The following TENM4 variants were observed in gnomAD, a reference collection of about 807,000 sequenced individuals.
TENM4 encodes teneurin transmembrane protein 4.
Under a neutral mutation model 243.3 loss-of-function variants are expected in TENM4, and 82 were observed. The ratio of observed to expected loss-of-function variants is 0.34; its 90% CI spans 0.28 to 0.40. TENM4 has a LOEUF of 0.40. Among genes scored for constraint, TENM4 ranks in the 10% least tolerant of loss-of-function variants. The pLI is 1.00. For missense variants in TENM4, 3,138 were observed against 3,673.3 expected, an observed-to-expected ratio of 0.85 and a Z score of 3.77; for synonymous variants, 1,412 against 1,456.3, an observed-to-expected ratio of 0.97 and a Z score of 0.69.
At chr11:78,705,915 G>T (rs1442581626) in intron 27 of TENM4, among the ~76,000 whole-genome samples, 1 of 152,176 alleles carries the variant, frequency 6.6e-6, no homozygotes, top group Non-Finnish European at 1.5e-5. Context: ...GTACAAGGAA[G>T]TTTTTTGTGG....
chr11:78,911,855 C>CAGAT (rs1856192671), intron 6 of TENM4, among the ~76,000 whole-genome samples: 1 of 152,242 alleles, frequency 6.6e-6, no homozygotes, highest in Admixed American at 6.5e-5. Flanking sequence ...TGCTAGAGCA[C>CAGAT]AGATAATGAA....
intron 1 of TENM4, among the ~76,000 whole-genome samples, chr11:79,369,916 C>T (rs1857749065): frequency 6.6e-6 from 1 of 152,178 alleles, no homozygotes; most frequent in African/African-American, 2.4e-5. Flanking sequence ...CCAGGACTGT[C>T]TGTCTCCAAA....
chr11:79,388,046 T>C (rs11604414), intron 1 of TENM4, among the ~76,000 whole-genome samples: 1 of 152,204 alleles, frequency 6.6e-6, no homozygotes, highest in African/African-American at 2.4e-5. Context: ...GAAGATGTTT[T>C]GAGTGTGAAA....
At chr11:79,044,969 C>T (rs891483359) in intron 6 of TENM4, among the ~76,000 whole-genome samples, 1 of 152,054 alleles carries the variant, frequency 6.6e-6, no homozygotes, top group Non-Finnish European at 1.5e-5. Flanking sequence ...TCATTTTAAC[C>T]ATTTAAAAGC....
Position 78,672,257 on chromosome 11 carries a change from G to A in TENM4, c.5569C>T (p.Arg1857Cys). The A allele has an allele frequency of 3.1e-6, 5 of 1,614,028 alleles. No individual in the cohort carries two copies. Among genetic ancestry groups the A allele is most frequent in the Non-Finnish European group, 4.2e-6 (5 of 1,179,890 alleles). ...TRTEKIYDDHRKFTLRILYDQ... is the reference protein window; with the variant it reads ...TRTEKIYDDHCKFTLRILYDQ... ...TACAGAATCCGAAGGGTGAACTTGC[G>A]GTGGTCATCATAGATCTTCTCTGTG... The change falls in exon 31 of 34, where the codon CGC (arginine) becomes TGC (cysteine). Residue 1857 changes from arginine (R) to cysteine (C), a missense_variant. Physicochemically the swap from Arg to Cys is radical, Grantham distance 180. Around this residue, in one of 2 missense-constraint regions of TENM4, gnomAD observed 2,467 missense variants for 3,059.1 expected, o/e 0.81. Coordinates refer to ENST00000278550, the MANE Select transcript of TENM4 (RefSeq NM_001098816.3).
chr11:79,161,617 A>G (rs75846543), intron 3 of TENM4, among the ~76,000 whole-genome samples: 1 of 152,188 alleles, frequency 6.6e-6, no homozygotes, highest in African/African-American at 2.4e-5. Context: ...GGAGAGGAGC[A>G]TGGAGTGGAT....
chr11:79,420,538 G>A (rs1858908630), intron 1 of TENM4, among the ~76,000 whole-genome samples: 1 of 152,158 alleles, frequency 6.6e-6, no homozygotes, highest in Non-Finnish European at 1.5e-5. Context: ...TTAGAAGTTT[G>A]GGAACTCTTA....
rs536409216 is a variant in TENM4 at position 78,706,023 on chromosome 11, A to G, written c.4209+2338T>C. On this transcript the variant is annotated intron_variant, in intron 27 of 33. Coordinates refer to ENST00000278550, the MANE Select transcript of TENM4 (RefSeq NM_001098816.3). ...ATTTCATTAAAAAATTCATTTCCAT[A>G]TCTCTGATGGAACCTGGTACAGGGC... 1.9e-4 allele frequency among the ~76,000 whole-genome samples: 29 copies of G among 152,302 alleles called. 1 individual carries two copies. In the South Asian group the frequency reaches 5.4e-3, roughly 28 times the overall value.
chr11:79,237,147 G>A (rs905503813), intron 2 of TENM4, among the ~76,000 whole-genome samples: 25 of 152,228 alleles, frequency 1.6e-4, no homozygotes, highest in African/African-American at 4.8e-4. Context: ...GCCAACACCC[G>A]TCTGTCCCAA....
intron 19 of TENM4, among the ~76,000 whole-genome samples, chr11:78,745,295 C>T (rs894533024): frequency 6.8e-5 from 10 of 146,108 alleles, no homozygotes; most frequent in East Asian, 5.9e-4. Flanking sequence ...GGCGTGATCT[C>T]GGCTCACTGG....
chr11:79,045,118 A>G (rs1015998696), intron 6 of TENM4, among the ~76,000 whole-genome samples: 1 of 152,184 alleles, frequency 6.6e-6, no homozygotes, highest in African/African-American at 2.4e-5. Flanking sequence ...CCCCAAGTCT[A>G]TGACGATTTT....
At chr11:78,996,679 A>C (rs1254013403) in intron 6 of TENM4, among the ~76,000 whole-genome samples, 1 of 152,218 alleles carries the variant, frequency 6.6e-6, no homozygotes, top group African/African-American at 2.4e-5. Context: ...AGTGGACCCA[A>C]GCAGTGCTGC....
intron 1 of TENM4, among the ~76,000 whole-genome samples, chr11:79,365,197 T>C (rs1170243549): frequency 1.3e-5 from 2 of 152,208 alleles, no homozygotes; most frequent in African/African-American, 2.4e-5. Flanking sequence ...AAGCACTATA[T>C]CTACCCCAAA....
At chr11:79,425,389 A>T (rs1270582722) in intron 1 of TENM4, among the ~76,000 whole-genome samples, 1 of 152,186 alleles carries the variant, frequency 6.6e-6, no homozygotes, top group Non-Finnish European at 1.5e-5. Context: ...GTTCTGGCTG[A>T]TGCTGAACTA....
At chr11:78,736,471 T>TGC (rs1555073129) in intron 20 of TENM4, among the ~76,000 whole-genome samples, 7 of 144,858 alleles carry the variant, frequency 4.8e-5, no homozygotes, top group African/African-American at 2.0e-4. Context: ...TGTGTGTGTG[T>TGC]GTGTGTGTGC....
chr11:78,664,452 C>A (rs759758985), intron 32 of TENM4, among the ~76,000 whole-genome samples: 3 of 152,064 alleles, frequency 2.0e-5, no homozygotes, highest in Non-Finnish European at 2.9e-5. Context: ...TTTGGAACCC[C>A]CAGGCTAAGC....
At chr11:78,890,050 A>T in intron 8 of TENM4, 30 bp from the exon 9 acceptor site, 1 of 1,502,936 alleles carries the variant, frequency 6.7e-7, no homozygotes, top group Non-Finnish European at 8.9e-7. Flanking sequence ...AGAGGGTGTC[A>T]GGGGCTGCCC....
chr11:79,217,493 T>C (rs954416372), intron 2 of TENM4, among the ~76,000 whole-genome samples: 7 of 152,166 alleles, frequency 4.6e-5, no homozygotes, highest in Non-Finnish European at 7.4e-5. Flanking sequence ...TTAAAAAACA[T>C]TGCTGTTTAT....
chr11:78,778,677 A>AT, intron 16 of TENM4, 49 bp from the exon 17 acceptor site: 2 of 1,564,188 alleles, frequency 1.3e-6, no homozygotes, highest in Non-Finnish European at 1.8e-6. Flanking sequence ...AGTAAGTGCA[A>AT]TATCGCCTGC....
Sources: allele counts gnomAD v4.1 joint callset (sites outside exome capture counted in the v4.1 genomes callset), GRCh38; gene constraint gnomAD v4.1.1; regional missense constraint gnomAD v4.1.1; transcripts MANE v1.5; gene names NCBI Gene and HGNC (gene_info 2026-07-23, HGNC 2026-07-21).